The following HECW2 variants were observed in gnomAD, a reference collection of about 807,000 sequenced individuals.
The protein encoded by HECW2 is E3 ubiquitin-protein ligase HECW2.
HECW2 carries 61 observed loss-of-function variants against 175.2 expected under a neutral mutation model. The observed-to-expected ratio is 0.35, with a 90% CI of 0.28 to 0.43. The LOEUF is 0.43. HECW2 is among the 20% of genes least tolerant of loss of function. The pLI, the probability that HECW2 is intolerant of heterozygous loss-of-function variation, is 1.00. For synonymous variants in HECW2, 671 were observed against 731.0 expected (o/e 0.92, Z 1.32); for missense variants, 1,524 against 2,000.5 (o/e 0.76, Z 4.54).
chr2:196,371,026 G>A (rs986813460), intron 2 of HECW2, among the ~76,000 whole-genome samples: 1 of 152,126 alleles, frequency 6.6e-6, no homozygotes, highest in Non-Finnish European at 1.5e-5. Context: ...TTATGAAGGT[G>A]TTTTTTTGTG....
Position 196,307,220 on chromosome 2 carries a change from G to A in HECW2, c.2599C>T (p.Arg867Cys), listed in dbSNP as rs770893577. The change falls in exon 12 of 29, where the codon CGC becomes TGC. Residue 867 changes from arginine to cysteine, a missense_variant. Transcript: ENST00000644978. ...EQLNRRYQSIRRTMTNERPEE... is the reference protein window; with the variant it reads ...EQLNRRYQSICRTMTNERPEE... ...GGCCTCTCATTGGTCATGGTTCTGC[G>A]GATACTCTGATATCTAAAATCATGA... is the stretch of plus-strand genomic sequence containing the variant. 4.3e-6 allele frequency: 7 copies of A among 1,609,624 alleles called. No homozygotes were observed. Among genetic ancestry groups the A allele is most frequent in the African/African-American group, 1.3e-5 (1 of 74,754 alleles).
chr2:196,539,504 G>A (rs892536768), intron 1 of HECW2, among the ~76,000 whole-genome samples: 5 of 152,002 alleles, frequency 3.3e-5, no homozygotes, highest in African/African-American at 7.2e-5. Context: ...CTGTGGTGGC[G>A]GGCACCTGTG....
chr2:196,283,227 ACT>A (rs1238659307), intron 14 of HECW2, among the ~76,000 whole-genome samples: 2 of 125,384 alleles, frequency 1.6e-5, no homozygotes, highest in Non-Finnish European at 3.2e-5. Flanking sequence ...ACACCACTGC[ACT>A]CCAGCCTGGG....
At chr2:196,572,822 G>A (rs901603340) in intron 1 of HECW2, among the ~76,000 whole-genome samples, 1 of 152,110 alleles carries the variant, frequency 6.6e-6, no homozygotes, top group African/African-American at 2.4e-5. Flanking sequence ...CTGTCTATAA[G>A]CCAGAAAGAG....
chr2:196,360,531 C>T (rs1228731580), intron 2 of HECW2, among the ~76,000 whole-genome samples: 1 of 152,052 alleles, frequency 6.6e-6, no homozygotes, highest in East Asian at 1.9e-4. Context: ...ACAACAGACA[C>T]TGGAGCCTAC....
chr2:196,513,171 T>C (rs997714441), intron 1 of HECW2, among the ~76,000 whole-genome samples: 1 of 152,214 alleles, frequency 6.6e-6, no homozygotes, highest in Non-Finnish European at 1.5e-5. Flanking sequence ...TAAATTTTTG[T>C]AAGTAAATGT....
rs377527762 is a variant in HECW2 at position 196,407,932 on chromosome 2, T to C, written c.292+25200A>G. Among the ~76,000 whole-genome samples the C allele has an allele frequency of 9.6e-4, 146 of 152,350 alleles. 2 individuals carry two copies. The Middle Eastern group carries it at 0.024, about 25-fold the overall frequency. Reference sequence around the variant, plus strand: ...TATCAGAGCCAAGTCTTCTTCTCCATGCAAAACAGATTGGTTATTCTATCT... The same window carrying C: ...TATCAGAGCCAAGTCTTCTTCTCCACGCAAAACAGATTGGTTATTCTATCT... On this transcript the variant is annotated intron_variant, in intron 2 of 28. Transcript: ENST00000644978.
chr2:196,546,165 GA>G (rs1689414627), intron 1 of HECW2, among the ~76,000 whole-genome samples: 1 of 152,192 alleles, frequency 6.6e-6, no homozygotes, highest in African/African-American at 2.4e-5. Context: ...TTATGCAAAT[GA>G]AGGTTTCTTC....
chr2:196,581,015 T>C (rs2125527756), intron 1 of HECW2, among the ~76,000 whole-genome samples: 1 of 152,286 alleles, frequency 6.6e-6, no homozygotes, highest in South Asian at 2.1e-4. Context: ...ACCTTAAAAA[T>C]ATTATGCTAA....
intron 1 of HECW2, among the ~76,000 whole-genome samples, chr2:196,558,461 TATGAGC>T (rs1288603522): frequency 2.0e-5 from 3 of 152,264 alleles, no homozygotes; most frequent in Admixed American, 1.3e-4. Context: ...CAGGATACTA[TATGAGC>T]ATGAGCATAC....
intron 1 of HECW2, among the ~76,000 whole-genome samples, chr2:196,453,984 AAAG>A (rs368941300): frequency 6.6e-6 from 1 of 152,108 alleles, no homozygotes; most frequent in African/African-American, 2.4e-5. Flanking sequence ...GGAACAGAAA[AAAG>A]AAATACTTCT....
At chr2:196,522,551 C>A (rs1185854071) in intron 1 of HECW2, among the ~76,000 whole-genome samples, 2 of 151,988 alleles carry the variant, frequency 1.3e-5, no homozygotes, top group Non-Finnish European at 1.5e-5. Context: ...GAAGTCCTTG[C>A]CCATGCCTAT....
intron 1 of HECW2, among the ~76,000 whole-genome samples, chr2:196,476,488 T>C (rs560761662): frequency 2.0e-5 from 3 of 150,694 alleles, no homozygotes; most frequent in East Asian, 3.9e-4. Flanking sequence ...TCTATCAAGT[T>C]GTTGGGGCAA....
intron 2 of HECW2, among the ~76,000 whole-genome samples, chr2:196,415,284 A>C (rs1413928219): frequency 6.6e-6 from 1 of 152,214 alleles, no homozygotes. Context: ...AGTAGGAGTC[A>C]AAATCTTGTA....
At chr2:196,430,647 A>T (rs1032836723) in intron 2 of HECW2, among the ~76,000 whole-genome samples, 1 of 152,206 alleles carries the variant, frequency 6.6e-6, no homozygotes, top group Non-Finnish European at 1.5e-5. Flanking sequence ...TCAAAGTTTA[A>T]AAATCCATTG....
At chr2:196,428,733 C>T (rs1035688915) in intron 2 of HECW2, among the ~76,000 whole-genome samples, 3 of 152,116 alleles carry the variant, frequency 2.0e-5, no homozygotes, top group Non-Finnish European at 2.9e-5. Flanking sequence ...TTAAAATAGT[C>T]CTTAACACTC....
intron 1 of HECW2, among the ~76,000 whole-genome samples, chr2:196,522,495 T>G (rs2125437033): frequency 6.6e-6 from 1 of 151,718 alleles, no homozygotes; most frequent in East Asian, 1.9e-4. Flanking sequence ...AGATCCCATT[T>G]GTCAATTTTG....
intron 2 of HECW2, among the ~76,000 whole-genome samples, chr2:196,396,912 C>T (rs558054188): frequency 2.0e-5 from 3 of 151,952 alleles, no homozygotes; most frequent in African/African-American, 2.4e-5. Context: ...GAGATTGAGA[C>T]CATCCTGGCT....
At chr2:196,502,030 G>A (rs916232688) in intron 1 of HECW2, among the ~76,000 whole-genome samples, 5 of 152,094 alleles carry the variant, frequency 3.3e-5, no homozygotes, top group African/African-American at 7.2e-5. Context: ...TGAATTTAAC[G>A]TTCTTTAGTA....
Sources: allele counts gnomAD v4.1 joint callset (sites outside exome capture counted in the v4.1 genomes callset), GRCh38; gene constraint gnomAD v4.1.1; transcripts MANE v1.5; gene names NCBI Gene and HGNC (gene_info 2026-07-23, HGNC 2026-07-21).